PDE4C: variants seen among roughly 807,000 people sequenced by gnomAD.
The protein encoded by PDE4C is 3',5'-cyclic-AMP phosphodiesterase 4C.
PDE4C carries 50 observed loss-of-function variants against 63.9 expected under a neutral mutation model. The ratio of observed to expected loss-of-function variants is 0.78; its 90% CI spans 0.62 to 0.99. PDE4C has a LOEUF of 0.99. Among genes scored for constraint, PDE4C ranks in the 50% least tolerant of loss-of-function variants. The pLI, the probability that PDE4C is intolerant of heterozygous loss-of-function variation, is 0.00. For synonymous variants in PDE4C, 377 were observed against 385.1 expected (o/e 0.98, Z 0.25); for missense variants, 777 against 899.1 (o/e 0.86, Z 1.74).
chr19:18,226,496 G>C, upstream of PDE4C: 2 of 1,220,442 alleles, frequency 1.6e-6, no homozygotes, highest in South Asian at 4.7e-5. Context: ...GGGCCCAGCG[G>C]GGAGGGGGCA....
At chr19:18,217,772 C>T (rs1968263389) in intron 11 of PDE4C, among the ~76,000 whole-genome samples, 1 of 152,142 alleles carries the variant, frequency 6.6e-6, no homozygotes, top group African/African-American at 2.4e-5. Context: ...TAGTGTGTGC[C>T]TGTAATCCCA....
At chr19:18,228,869 G>A (rs1369695724), upstream of PDE4C, among the ~76,000 whole-genome samples, 1 of 152,158 alleles carries the variant, frequency 6.6e-6, no homozygotes, top group East Asian at 1.9e-4. Context: ...CTGCATTACT[G>A]CATCTCCTGT....
At chr19:18,212,055 T>C in intron 13 of PDE4C, 114 bp from the exon 14 acceptor site, 1 of 1,009,648 alleles carries the variant, frequency 9.9e-7, no homozygotes, top group Non-Finnish European at 1.5e-6. Context: ...GTGGGGAAAC[T>C]GAGGCCTGAG....
At chr19:18,211,834 T>G (rs577328081) in exon 14 of PDE4C, 12 of 1,614,122 alleles carry the variant, frequency 7.4e-6, no homozygotes, top group African/African-American at 1.3e-5. Flanking sequence ...GCTCGCGGTC[T>G]CCCTGCTGGA....
the PDE4C span, among the ~76,000 whole-genome samples, chr19:18,254,154 G>A: frequency 1.3e-5 from 2 of 152,178 alleles, no homozygotes; most frequent in Non-Finnish European, 2.9e-5. Context: ...AGAAACTGAG[G>A]CTCAGAGTAG....
chr19:18,224,678 T>A (rs1362201024), intron 1 of PDE4C, among the ~76,000 whole-genome samples: 1 of 152,212 alleles, frequency 6.6e-6, no homozygotes, highest in Admixed American at 6.5e-5. Flanking sequence ...TCCGGCTACA[T>A]GAGGGCTAGT....
chr19:18,241,348 G>T (rs142906617), intron 1 of PDE4C, among the ~76,000 whole-genome samples: 12,993 of 127,436 alleles, frequency 0.1, 861 homozygotes, highest in East Asian at 0.42. Context: ...CTCACTGCAA[G>T]CTCCGCCTCC....
the PDE4C span, chr19:18,255,172 C>A: frequency 2.5e-6 from 1 of 398,510 alleles, no homozygotes; most frequent in East Asian, 3.6e-5. The surrounding 1 kb of genome is among the most constrained non-coding windows in gnomAD (Gnocchi z 4.6). Context: ...CGTCCCCCAC[C>A]CCCACCCTTC....
intron 1 of PDE4C, among the ~76,000 whole-genome samples, chr19:18,231,783 G>C (rs58749284): frequency 0.027 from 4,179 of 152,134 alleles, 210 homozygotes; most frequent in African/African-American, 0.094. Flanking sequence ...CCTCCACCTG[G>C]TAGTTGGAGA....
rs545327965 is a variant in PDE4C, at chr19:18,243,777, T to C, written c.-210+4394A>G. Among the ~76,000 whole-genome samples the C allele has an allele frequency of 2.6e-5, 4 of 152,240 alleles. No homozygotes were observed. In the East Asian group the frequency reaches 7.7e-4, roughly 29 times the overall value. ...GAGTGGAATGGGGTAAGGATGGGGC[T>C]CCCAGGGACTAGGGATGGGGTATAG... On this transcript the variant is annotated intron_variant, in intron 1 of 15. Coordinates refer to the PDE4C transcript ENST00000594617.
chr19:18,240,820 C>T (rs144809822), intron 1 of PDE4C, among the ~76,000 whole-genome samples: 4 of 152,238 alleles, frequency 2.6e-5, no homozygotes, highest in Non-Finnish European at 4.4e-5. Flanking sequence ...GTGCGGAGAA[C>T]GGATGTGAGT....
upstream of PDE4C, chr19:18,233,686 G>C (rs1968899350): frequency 2.8e-6 from 1 of 358,408 alleles, no homozygotes; most frequent in Non-Finnish European, 5.5e-6. Context: ...TCTCCGGGTG[G>C]ATGAGACAGC....
At chr19:18,235,063 C>G (rs1338010000), upstream of PDE4C, among the ~76,000 whole-genome samples, 1 of 152,162 alleles carries the variant, frequency 6.6e-6, no homozygotes, top group Admixed American at 6.6e-5. Flanking sequence ...GGCATCATTG[C>G]AAGGACTAAA....
intron 1 of PDE4C, among the ~76,000 whole-genome samples, chr19:18,225,113 C>A (rs1467316856): frequency 3.3e-5 from 5 of 152,174 alleles, no homozygotes; most frequent in Non-Finnish European, 5.9e-5. Flanking sequence ...CTAAACTTAG[C>A]CGGGAGCGGC....
chr19:18,231,998 CG>C (rs1354058242), intron 1 of PDE4C, among the ~76,000 whole-genome samples: 2 of 149,938 alleles, frequency 1.3e-5, no homozygotes, highest in African/African-American at 4.9e-5. Context: ...GGAGTGGGGG[CG>C]GGGGAGGTAG....
chr19:18,224,572 A>G, intron 1 of PDE4C: 7 of 946,384 alleles, frequency 7.4e-6, no homozygotes, highest in Non-Finnish European at 7.6e-6. Flanking sequence ...GAGACTTCGG[A>G]TAAGTTCGAG....
intron 2 of PDE4C, 34 bp from the exon 3 acceptor site, chr19:18,221,331 TC>T: frequency 6.5e-7 from 1 of 1,534,462 alleles, no homozygotes; most frequent in Non-Finnish European, 8.8e-7. Context: ...GAGAGCTCTC[TC>T]CCATCTTCCA....
intron 1 of PDE4C, among the ~76,000 whole-genome samples, chr19:18,241,411 C>A (rs983006824): frequency 1.3e-5 from 2 of 151,604 alleles, no homozygotes; most frequent in Admixed American, 6.6e-5. Flanking sequence ...GGATTACAGG[C>A]ACCCGCCACC....
rs757301182 is a variant in PDE4C at position 18,219,401 on chromosome 19, C to T, written c.707-4G>A. ...AGCTCCACCTCGGTCTGCTGGTCTG[C>T]GGATGGGCCAGGGTGAAGCTCAGAG... On this transcript the variant is annotated splice_region_variant and splice_polypyrimidine_tract_variant and intron_variant, in intron 7 of 14. Coordinates refer to ENST00000262805, the Ensembl canonical transcript of PDE4C. The T allele has an allele frequency of 1.0e-5, 16 of 1,596,288 alleles. No individual in the cohort carries two copies. Among genetic ancestry groups the T allele is most frequent in the Admixed American group, 1.7e-5 (1 of 58,608 alleles).
Sources: allele counts gnomAD v4.1 joint callset (sites outside exome capture counted in the v4.1 genomes callset), GRCh38; gene constraint gnomAD v4.1.1; non-coding constraint Gnocchi (gnomAD v3.1); transcripts MANE v1.5; gene names NCBI Gene and HGNC (gene_info 2026-07-23, HGNC 2026-07-21).